AFG1L: variants seen among roughly 807,000 people sequenced by gnomAD.
The protein encoded by AFG1L is AFG1-like ATPase.
A neutral mutation model predicts 62.2 loss-of-function variants in AFG1L; 53 were observed. That is an observed-to-expected ratio of 0.85 (90% CI 0.68 to 1.07). The LOEUF is 1.07. Ranked by LOEUF, AFG1L falls within the 50% of genes least tolerant of loss-of-function variation. The pLI is 0.00. For missense variants in AFG1L, 555 were observed against 590.5 expected (o/e 0.94, Z 0.62); for synonymous variants, 228 against 210.3 (o/e 1.08, Z -0.73).
intron 5 of AFG1L, among the ~76,000 whole-genome samples, chr6:108,361,524 C>A (rs1779528666): frequency 6.6e-6 from 1 of 151,516 alleles, no homozygotes; most frequent in Admixed American, 6.6e-5. Flanking sequence ...GACGGGGTAA[C>A]TATGTTTGTG....
At chr6:108,507,829 G>A (rs1419468373) in intron 10 of AFG1L, among the ~76,000 whole-genome samples, 1 of 152,004 alleles carries the variant, frequency 6.6e-6, no homozygotes, top group Admixed American at 6.6e-5. Context: ...TCTCGCTTTC[G>A]GGGATTGTTT....
intron 6 of AFG1L, among the ~76,000 whole-genome samples, chr6:108,373,222 T>C (rs975819797): frequency 2.0e-5 from 3 of 152,118 alleles, no homozygotes; most frequent in Non-Finnish European, 4.4e-5. Flanking sequence ...CCCGTGTCTA[T>C]CATTCCCATC....
chr6:108,466,073 A>G (rs1772653667), intron 8 of AFG1L, among the ~76,000 whole-genome samples: 1 of 152,232 alleles, frequency 6.6e-6, no homozygotes, highest in African/African-American at 2.4e-5. Context: ...CTTGTTAAAA[A>G]ATAAACTTGA....
Position 108,323,841 on chromosome 6 carries a change from A to G in AFG1L, c.156A>G (p.Thr52=), listed in dbSNP as rs1170161624. 3 of 1,614,048 alleles carry G rather than the reference A, an allele frequency of 1.9e-6. No individual in the cohort carries two copies. The highest frequency in any genetic ancestry group is 1.7e-6 in the Non-Finnish European group (2 of 1,179,906). Residue 52 remains threonine (T), a synonymous_variant, in exon 2 of 13, where the codon ACA becomes ACG. Coordinates refer to ENST00000368977, the MANE Select transcript of AFG1L (RefSeq NM_145315.5). ...KPFWKAYTVQ[T]SESMTPTATS... ...TGTTTATAGCCTATACGGTTCAGAC[A>G]TCCGAGAGCATGACCCCAACTGCCA...
At position 108,312,556 on chromosome 6, in the gene AFG1L, C is replaced by T. The variant is rs555013874; in HGVS notation, c.140-11269C>T. ...CTGGACGAAGAGAGAGACCTTGTCT[C>T]TAAAATAAAGTAATAATAATAAAAA... is the stretch of plus-strand genomic sequence containing the variant. On this transcript the variant is annotated intron_variant, in intron 1 of 12. Coordinates refer to ENST00000368977, the MANE Select transcript of AFG1L (RefSeq NM_145315.5). Among the ~76,000 whole-genome samples the T allele has an allele frequency of 1.2e-4, 18 of 151,892 alleles. No homozygotes were observed. The South Asian group carries it at 3.5e-3, about 30-fold the overall frequency.
At chr6:108,329,792 A>G (rs915744400) in intron 2 of AFG1L, among the ~76,000 whole-genome samples, 3 of 152,190 alleles carry the variant, frequency 2.0e-5, no homozygotes, top group Middle Eastern at 6.3e-3. Context: ...GAAAAACTCC[A>G]GTGATGGAGT....
intron 10 of AFG1L, among the ~76,000 whole-genome samples, chr6:108,479,372 T>C (rs923882469): frequency 2.6e-5 from 4 of 152,182 alleles, no homozygotes; most frequent in African/African-American, 9.7e-5. Flanking sequence ...CAGATCTTCA[T>C]TTGTCAGTGA....
chr6:108,295,118 C>A lies in AFG1L; in HGVS notation c.39C>A (p.Pro13=). ...ASWSLLVTLR[P]LAQSPLRGRC... ...GGTCGCTCTTGGTTACCCTGCGCCCCTTAGCACAGAGCCCGCTGAGAGGGA... is the reference window on the plus strand; with the variant it reads ...GGTCGCTCTTGGTTACCCTGCGCCCATTAGCACAGAGCCCGCTGAGAGGGA... Residue 13 remains proline, a synonymous_variant, in exon 1 of 13, where the codon CCC becomes CCA. Transcript: ENST00000368977. The A allele has an allele frequency of 6.2e-7, 1 of 1,611,556 alleles. No homozygotes were observed.
intron 1 of AFG1L, among the ~76,000 whole-genome samples, chr6:108,309,982 A>G (rs540017351): frequency 2.6e-4 from 39 of 152,276 alleles, no homozygotes; most frequent in African/African-American, 7.5e-4. Context: ...GAACTTTATC[A>G]TGGACTAGCA....
At chr6:108,304,478 A>G (rs1207991980) in intron 1 of AFG1L, among the ~76,000 whole-genome samples, 1 of 152,240 alleles carries the variant, frequency 6.6e-6, no homozygotes, top group Non-Finnish European at 1.5e-5. Context: ...GTCAGTGGCC[A>G]CTGTTTATGG....
chr6:108,520,468 T>C (rs905786044), intron 12 of AFG1L: 4 of 152,252 alleles, frequency 2.6e-5, no homozygotes, highest in Non-Finnish European at 4.4e-5. Context: ...CGTTTTCTTC[T>C]TCTATAAGAA....
At chr6:108,474,443 C>T (rs560631385) in intron 8 of AFG1L, among the ~76,000 whole-genome samples, 1 of 152,296 alleles carries the variant, frequency 6.6e-6, no homozygotes, top group East Asian at 1.9e-4. Flanking sequence ...GGTTCTAGAT[C>T]CTTGAGGAAT....
intron 1 of AFG1L, among the ~76,000 whole-genome samples, chr6:108,313,128 GAAC>G (rs1241968844): frequency 6.6e-6 from 1 of 152,144 alleles, no homozygotes; most frequent in Non-Finnish European, 1.5e-5. Flanking sequence ...CCACCATGGA[GAAC>G]AACGTTATCA....
chr6:108,389,086 G>A (rs1013565430), intron 6 of AFG1L, among the ~76,000 whole-genome samples: 5 of 152,158 alleles, frequency 3.3e-5, no homozygotes, highest in Non-Finnish European at 7.3e-5. Context: ...ATATATTTAG[G>A]AGAGTTAGCT....
At chr6:108,500,171 C>CGTGTGTGTGTGTGTGTGTGT (rs61654685) in intron 10 of AFG1L, among the ~76,000 whole-genome samples, 19 of 135,070 alleles carry the variant, frequency 1.4e-4, no homozygotes, top group Non-Finnish European at 1.9e-4. Flanking sequence ...ATGGTGCGTG[C>CGTGTGTGTGTGTGTGTGTGT]GTGTGTGTGT....
At chr6:108,506,246 G>C (rs1379869369) in intron 10 of AFG1L, among the ~76,000 whole-genome samples, 2 of 152,078 alleles carry the variant, frequency 1.3e-5, no homozygotes, top group Non-Finnish European at 2.9e-5. Context: ...GGTCTCTGTC[G>C]ACCAGGCTCG....
intron 8 of AFG1L, among the ~76,000 whole-genome samples, chr6:108,456,958 C>T (rs949299230): frequency 2.0e-5 from 3 of 152,128 alleles, no homozygotes; most frequent in Non-Finnish European, 2.9e-5. Flanking sequence ...ACCACAAGTG[C>T]GTAGCAGGCT....
intron 8 of AFG1L, among the ~76,000 whole-genome samples, chr6:108,449,740 A>C (rs1185234956): frequency 6.6e-6 from 1 of 152,014 alleles, no homozygotes; most frequent in East Asian, 1.9e-4. Flanking sequence ...TCCTAATGCT[A>C]TCCCTTCCCC....
At chr6:108,451,998 G>C (rs1772076670) in intron 8 of AFG1L, among the ~76,000 whole-genome samples, 1 of 152,114 alleles carries the variant, frequency 6.6e-6, no homozygotes, top group Admixed American at 6.5e-5. Context: ...TACAGGCGTT[G>C]AGCCACCACG....
Sources: allele counts gnomAD v4.1 joint callset (sites outside exome capture counted in the v4.1 genomes callset), GRCh38; gene constraint gnomAD v4.1.1; transcripts MANE v1.5; gene names NCBI Gene and HGNC (gene_info 2026-07-23, HGNC 2026-07-21).